PIP5K1C: variants seen among roughly 807,000 people sequenced by gnomAD.
PIP5K1C encodes the protein phosphatidylinositol 4-phosphate 5-kinase type-1 gamma.
In PIP5K1C, 45 loss-of-function variants were observed where a neutral mutation model predicts 80.1. The observed-to-expected ratio is 0.56, with a 90% confidence interval of 0.44 to 0.72. The LOEUF is 0.72. Among genes scored for constraint, PIP5K1C ranks in the 30% least tolerant of loss-of-function variants. PIP5K1C has a pLI of 0.00. For missense variants in PIP5K1C, 753 were observed against 954.6 expected (o/e 0.79, Z 2.78); for synonymous variants, 498 against 420.1 (o/e 1.19, Z -2.27).
At position 3,630,817 on chromosome 19, in the gene PIP5K1C, C is replaced by T. The variant is rs1254931199; in HGVS notation, c.*2350G>A. The T allele has an allele frequency of 6.6e-6, 1 of 152,174 alleles. No individual in the cohort carries two copies. Among genetic ancestry groups the T allele is most frequent in the African/African-American group, 2.4e-5 (1 of 41,398 alleles). 9.4% of individuals were successfully genotyped at this position (152,174 alleles called of 1,614,324 possible). A position where few individuals can be genotyped will look rare whatever the true frequency, so the allele number is the denominator to read the frequency against. ...AGGAGGGGAAGTGGGCATTGGTCAC[C>T]AAGGTATTTACAGACTTCTATCATG... On this transcript the variant is annotated 3_prime_UTR_variant, in exon 18 of 18. Coordinates refer to ENST00000335312, the MANE Select transcript of PIP5K1C (RefSeq NM_012398.3).
chr19:3,654,337 C>A (rs1247671240), intron 6 of PIP5K1C, among the ~76,000 whole-genome samples: 1 of 152,236 alleles, frequency 6.6e-6, no homozygotes, highest in East Asian at 1.9e-4. Flanking sequence ...CAGAGCCTCT[C>A]AATGACGAAC....
intron 1 of PIP5K1C, among the ~76,000 whole-genome samples, chr19:3,679,720 AGATGGGGCATCAG>A (rs1315873343): frequency 1.3e-5 from 2 of 152,208 alleles, no homozygotes; most frequent in Non-Finnish European, 1.5e-5. Flanking sequence ...TTGGCTACCA[AGATGGGGCATCAG>A]GAAGAAGCAC....
intron 1 of PIP5K1C, among the ~76,000 whole-genome samples, chr19:3,668,029 G>A (rs997916040): frequency 2.6e-5 from 4 of 152,180 alleles, no homozygotes; most frequent in Admixed American, 1.3e-4. Context: ...GAGAGGCTGC[G>A]AGGGGACCCC....
chr19:3,664,654 C>A lies in PIP5K1C; in HGVS notation c.219+168G>T, dbSNP rs539192083. ...GCAAGGACAGCAAACAGTGGGGCCT[C>A]ATGCAGGACTGAGGACTCCAGCCTC... On this transcript the variant is annotated intron_variant, in intron 3 of 17. Coordinates refer to ENST00000335312, the MANE Select transcript of PIP5K1C (RefSeq NM_012398.3). Among the ~76,000 whole-genome samples the A allele has an allele frequency of 3.7e-4, 57 of 152,338 alleles. No homozygotes were observed. The East Asian group carries it at 0.011, about 29-fold the overall frequency.
In PIP5K1C at chr19:3,660,947, T is replaced by G; in HGVS notation, c.468+19A>C. 1 of 1,592,228 alleles carries G rather than the reference T, an allele frequency of 6.3e-7. No homozygotes were observed. The highest frequency in any genetic ancestry group is 8.6e-7 in the Non-Finnish European group (1 of 1,160,696). On this transcript the variant is annotated intron_variant, in intron 5 of 17. Transcript: ENST00000335312. ...GTTCTGTTTCAAGCCTGGAAGCCCG[T>G]AACAGCAAATATGCTTACCAAGTAA...
rs759609581 is a variant in PIP5K1C, at chr19:3,653,327, A to C, written c.884T>G (p.Phe295Cys). 1 of 1,610,684 alleles carries C rather than the reference A, an allele frequency of 6.2e-7. No homozygotes were observed. Among genetic ancestry groups the C allele is most frequent in the African/African-American group, 1.3e-5 (1 of 74,926 alleles). Residue 295 changes from phenylalanine (F) to cysteine (C), a missense_variant, in exon 7 of 18, where the codon TTC (phenylalanine) becomes TGC (cysteine). By Grantham distance (205) the Phe-to-Cys change is radical. Coordinates refer to ENST00000335312, the MANE Select transcript of PIP5K1C (RefSeq NM_012398.3). The stretch of plus-strand genomic sequence containing the variant: ...CTGCAGCGTCTTGACCAGGGCGCTG[A>C]AGGTGTCGGCGTCCAGCAGGAGCCC... ...PEGLLLDADT[F>C]SALVKTLQRD...
rs1250287975 is a variant in PIP5K1C at position 3,638,070 on chromosome 19, AG to A, written c.1920+813del. 3 of 1,446,082 alleles carry A rather than the reference AG, an allele frequency of 2.1e-6. No individual in the cohort carries two copies. In the African/African-American group the frequency reaches 4.3e-5, roughly 21 times the overall value. 89.6% of individuals were successfully genotyped at this position (1,446,082 alleles called of 1,614,324 possible). A position where few individuals can be genotyped will look rare whatever the true frequency, so the allele number is the denominator to read the frequency against. On this transcript the variant is annotated intron_variant, in intron 16 of 17. Transcript: ENST00000335312. ...GGAGGTGCCCCCACAACAGGCCCTAAGGCCTGGTGCCCGTGCCCAGCCCTCC... is the reference window on the plus strand; with the variant it reads ...GGAGGTGCCCCCACAACAGGCCCTAAGCCTGGTGCCCGTGCCCAGCCCTCC...
rs1347460662 is a variant in PIP5K1C, at chr19:3,648,492, C to A, written c.1211+133G>T. 1 of 823,298 alleles carries A rather than the reference C, an allele frequency of 1.2e-6. No individual in the cohort carries two copies. The highest frequency in any genetic ancestry group is 2.6e-5 in the East Asian group (1 of 38,472). 51.0% of individuals were successfully genotyped at this position (823,298 alleles called of 1,614,324 possible). ...TGGGGGCGCCCATCCACCTGTGGGA[C>A]TGCAGACCCAGGCGCCCACCTGTGG... On this transcript the variant is annotated intron_variant, in intron 9 of 17. Transcript: ENST00000335312. This position sits in a 1 kb window ranked among gnomAD's most constrained non-coding sequence, Gnocchi z 4.3.
At chr19:3,670,801 T>C (rs1338653153) in intron 1 of PIP5K1C, among the ~76,000 whole-genome samples, 1 of 152,012 alleles carries the variant, frequency 6.6e-6, no homozygotes, top group Non-Finnish European at 1.5e-5. Context: ...GACAGACCCA[T>C]GGTGCTCACT....
At chr19:3,670,875 G>A (rs2035183534) in intron 1 of PIP5K1C, among the ~76,000 whole-genome samples, 1 of 152,214 alleles carries the variant, frequency 6.6e-6, no homozygotes, top group Non-Finnish European at 1.5e-5. Context: ...CACGGTGAAG[G>A]GAAAGACGGG....
Position 3,632,855 on chromosome 19 carries a change from T to G in PIP5K1C, c.*312A>C. The G allele has an allele frequency of 2.4e-6, 1 of 420,288 alleles. No homozygotes were observed. 26.0% of individuals were successfully genotyped at this position (420,288 alleles called of 1,614,324 possible). On this transcript the variant is annotated 3_prime_UTR_variant, in exon 18 of 18. Transcript: ENST00000335312. ...CTTCTCCCTCTGGTTGGTTTGTTTG[T>G]GTCTTTTTTGTTCTTTTCCTAAAAC...
At chr19:3,644,362 T>A in intron 11 of PIP5K1C, 111 bp from the exon 12 acceptor site, 1 of 1,086,696 alleles carries the variant, frequency 9.2e-7, no homozygotes, top group Non-Finnish European at 1.3e-6. Context: ...ACCAGACCCC[T>A]ACCGGTCCCT....
At chr19:3,665,126 C>G (rs891154846) in intron 2 of PIP5K1C, among the ~76,000 whole-genome samples, 1 of 152,220 alleles carries the variant, frequency 6.6e-6, no homozygotes, top group Admixed American at 6.5e-5. Flanking sequence ...GTGTCCCACA[C>G]TGGACACCCA....
chr19:3,696,814 AC>A lies in PIP5K1C; in HGVS notation c.94+3482del, dbSNP rs1257367445. 6.6e-6 allele frequency among the ~76,000 whole-genome samples: 1 copy of A among 151,890 alleles called. No homozygotes were observed. The highest frequency in any genetic ancestry group is 1.5e-5 in the Non-Finnish European group (1 of 67,974). On this transcript the variant is annotated intron_variant, in intron 1 of 17. Transcript: ENST00000335312. The surrounding 1 kb of genome is among the most constrained non-coding windows in gnomAD (Gnocchi z 4.1). ...GGCTTCAAAGAGGACTATGTCTTTG[AC>A]CCCAAGGGAGGTGGGAGCCATGGAG...
chr19:3,630,882 G>C lies in PIP5K1C; in HGVS notation c.*2285C>G, dbSNP rs1419532808. 1 of 152,172 alleles carries C rather than the reference G, an allele frequency of 6.6e-6. No homozygotes were observed. The highest frequency in any genetic ancestry group is 1.5e-5 in the Non-Finnish European group (1 of 68,044). 9.4% of individuals were successfully genotyped at this position (152,172 alleles called of 1,614,324 possible). The stretch of plus-strand genomic sequence containing the variant: ...GGGTCCAGCAGCCTCCCTCGCGGGG[G>C]ATCTGAGGGAGACCGAGTTCGCTAA... On this transcript the variant is annotated 3_prime_UTR_variant, in exon 18 of 18. Transcript: ENST00000335312.
chr19:3,683,474 G>A (rs565660734), intron 1 of PIP5K1C, among the ~76,000 whole-genome samples: 3 of 152,324 alleles, frequency 2.0e-5, no homozygotes, highest in Non-Finnish European at 2.9e-5. Flanking sequence ...CACCTTCGCC[G>A]TGTGTGTGGC....
At chr19:3,686,623 C>G (rs915554498) in intron 1 of PIP5K1C, among the ~76,000 whole-genome samples, 8 of 151,626 alleles carry the variant, frequency 5.3e-5, no homozygotes, top group African/African-American at 1.9e-4. Flanking sequence ...GAGGCTGAGG[C>G]AGGAGAATCA....
At position 3,682,698 on chromosome 19, in the gene PIP5K1C, T is replaced by A. The variant is rs191417088; in HGVS notation, c.95-15345A>T. On this transcript the variant is annotated intron_variant, in intron 1 of 17. Coordinates refer to ENST00000335312, the MANE Select transcript of PIP5K1C (RefSeq NM_012398.3). ...AGCAAGACTGTCCCTATAAAAAAAT[T>A]AAAAAAATAAAAAATAAAGAGCAGA... Among the ~76,000 whole-genome samples, 541 of 151,614 alleles carry A rather than the reference T, an allele frequency of 3.6e-3. 6 individuals carry two copies. Among genetic ancestry groups the A allele is most frequent in the African/African-American group, 0.012 (510 of 41,296 alleles).
At chr19:3,643,975 G>T in intron 12 of PIP5K1C, 112 bp downstream of exon 12, 2 of 1,307,580 alleles carry the variant, frequency 1.5e-6, no homozygotes, top group Non-Finnish European at 2.1e-6. Flanking sequence ...CTGCAGATCC[G>T]GAGGGGGTGG....
Sources: allele counts gnomAD v4.1 joint callset (sites outside exome capture counted in the v4.1 genomes callset), GRCh38; gene constraint gnomAD v4.1.1; non-coding constraint Gnocchi (gnomAD v3.1); transcripts MANE v1.5; gene names NCBI Gene and HGNC (gene_info 2026-07-23, HGNC 2026-07-21).